Variants in L3MBTL4 observed in about 807,000 individuals in gnomAD.
The protein encoded by L3MBTL4 is lethal(3)malignant brain tumor-like protein 4.
Under a neutral mutation model 84.5 loss-of-function variants are expected in L3MBTL4, and 70 were observed. The ratio of observed to expected loss-of-function variants is 0.83; its 90% confidence interval spans 0.68 to 1.01. The LOEUF (loss-of-function observed/expected upper bound fraction) is 1.01, where lower values mean the gene tolerates loss of function less well. L3MBTL4 is among the 50% of genes least tolerant of loss of function. L3MBTL4 has a pLI of 0.00. For missense variants in L3MBTL4, 715 were observed against 754.8 expected, an observed-to-expected ratio of 0.95 and a Z score of 0.62; for synonymous variants, 274 against 259.8, an observed-to-expected ratio of 1.05 and a Z score of -0.52.
At chr18:6,114,604 C>A (rs529539578) in intron 14 of L3MBTL4, among the ~76,000 whole-genome samples, 1 of 152,288 alleles carries the variant, frequency 6.6e-6, no homozygotes, top group Non-Finnish European at 1.5e-5. Flanking sequence ...AATAATCAGT[C>A]AAGAATATCA....
chr18:6,387,131 G>A (rs1044115688), intron 1 of L3MBTL4, among the ~76,000 whole-genome samples: 16 of 152,114 alleles, frequency 1.1e-4, no homozygotes, highest in African/African-American at 3.9e-4. Flanking sequence ...ACACACACAA[G>A]AGAAAATTAG....
At chr18:6,093,602 G>T in intron 14 of L3MBTL4, 74 bp from the exon 15 acceptor site, 1 of 1,188,996 alleles carries the variant, frequency 8.4e-7, no homozygotes, top group Non-Finnish European at 1.1e-6. Context: ...CATTAGAGCA[G>T]ACTTACACCT....
intron 16 of L3MBTL4, among the ~76,000 whole-genome samples, chr18:5,994,038 A>G (rs539395163): frequency 6.6e-6 from 1 of 152,318 alleles, no homozygotes; most frequent in Non-Finnish European, 1.5e-5. Context: ...CGACGCTGGA[A>G]CCCGGCTTTT....
intron 12 of L3MBTL4, among the ~76,000 whole-genome samples, chr18:6,187,491 C>T (rs796102009): frequency 2.6e-5 from 4 of 152,188 alleles, no homozygotes; most frequent in African/African-American, 9.6e-5. Flanking sequence ...AAAATAAATG[C>T]ATGTTGCTTC....
chr18:6,227,188 A>C (rs1016959912), intron 10 of L3MBTL4, among the ~76,000 whole-genome samples: 2 of 152,244 alleles, frequency 1.3e-5, no homozygotes, highest in African/African-American at 4.8e-5. Context: ...ACAAATCCAC[A>C]CTTACAGATG....
At chr18:6,145,875 T>C (rs1243002125) in intron 13 of L3MBTL4, among the ~76,000 whole-genome samples, 1 of 152,004 alleles carries the variant, frequency 6.6e-6, no homozygotes, top group Non-Finnish European at 1.5e-5. Context: ...GTGCCAAAGA[T>C]GGAATAAGCC....
intron 1 of L3MBTL4, among the ~76,000 whole-genome samples, chr18:6,380,200 T>A (rs1360210492): frequency 6.6e-6 from 1 of 152,184 alleles, no homozygotes; most frequent in African/African-American, 2.4e-5. Flanking sequence ...ATTTGATTCT[T>A]CTCTCTTGTC....
chr18:5,970,833 G>T (rs571596016), intron 16 of L3MBTL4, among the ~76,000 whole-genome samples: 1 of 152,236 alleles, frequency 6.6e-6, no homozygotes, highest in Non-Finnish European at 1.5e-5. Context: ...CATGATCACA[G>T]TCACATATAC....
intron 1 of L3MBTL4, among the ~76,000 whole-genome samples, chr18:6,316,290 G>A (rs2051094606): frequency 6.6e-6 from 1 of 152,168 alleles, no homozygotes; most frequent in African/African-American, 2.4e-5. Flanking sequence ...CAGAGGAATA[G>A]CAGTGTTCAC....
chr18:6,142,414 G>A (rs989070337), intron 13 of L3MBTL4, among the ~76,000 whole-genome samples: 1 of 152,162 alleles, frequency 6.6e-6, no homozygotes, highest in African/African-American at 2.4e-5. Flanking sequence ...GTCCCAATGT[G>A]TCATGATATT....
chr18:6,121,868 A>T (rs1486527342), intron 14 of L3MBTL4, among the ~76,000 whole-genome samples: 1 of 152,188 alleles, frequency 6.6e-6, no homozygotes, highest in Non-Finnish European at 1.5e-5. Context: ...CAGATGTAGC[A>T]GGTTTGTGCG....
At chr18:5,999,931 T>C (rs2054142843) in intron 16 of L3MBTL4, among the ~76,000 whole-genome samples, 1 of 152,120 alleles carries the variant, frequency 6.6e-6, no homozygotes, top group Non-Finnish European at 1.5e-5. Context: ...ACACAGAGAA[T>C]AGTCCAGAGG....
intron 16 of L3MBTL4, among the ~76,000 whole-genome samples, chr18:6,019,071 C>T (rs902218858): frequency 8.5e-5 from 13 of 152,288 alleles, no homozygotes; most frequent in African/African-American, 2.6e-4. Flanking sequence ...ATGGATATTA[C>T]CTACAGCTTT....
At chr18:6,405,402 C>A (rs1260099880) in intron 1 of L3MBTL4, among the ~76,000 whole-genome samples, 2 of 152,244 alleles carry the variant, frequency 1.3e-5, no homozygotes, top group Non-Finnish European at 2.9e-5. Flanking sequence ...TGCCGCTCTG[C>A]GACCTGCACA....
intron 1 of L3MBTL4, among the ~76,000 whole-genome samples, chr18:6,319,467 G>T (rs1316975121): frequency 6.6e-6 from 1 of 151,980 alleles, no homozygotes. Context: ...CAAAACCATA[G>T]AAATATATAA....
At chr18:6,138,800 C>A (rs568551902) in intron 13 of L3MBTL4, among the ~76,000 whole-genome samples, 44 of 152,310 alleles carry the variant, frequency 2.9e-4, no homozygotes, top group Admixed American at 2.7e-3. Flanking sequence ...AATCTGCCCA[C>A]CTCAGCCTCC....
intron 16 of L3MBTL4, among the ~76,000 whole-genome samples, chr18:5,987,554 C>T (rs1360717202): frequency 6.6e-6 from 1 of 152,224 alleles, no homozygotes; most frequent in Non-Finnish European, 1.5e-5. Context: ...AATCCCCAAA[C>T]CTCACCTTGG....
At chr18:6,396,972 A>G (rs2055298005) in intron 1 of L3MBTL4, 1 of 152,236 alleles carries the variant, frequency 6.6e-6, no homozygotes, top group Non-Finnish European at 1.5e-5. Flanking sequence ...CAGTCAAACA[A>G]GTAAACGTTT....
rs2053706601 is a variant in L3MBTL4 at position 6,361,814 on chromosome 18, T to G, written c.-90-49758A>C. Among the ~76,000 whole-genome samples, 3 of 152,056 alleles carry G rather than the reference T, an allele frequency of 2.0e-5. No individual in the cohort carries two copies. The South Asian group carries it at 6.2e-4, about 32-fold the overall frequency. On this transcript the variant is annotated intron_variant, in intron 1 of 18. Coordinates refer to ENST00000317931, the MANE Select transcript of L3MBTL4 (RefSeq NM_001330559.2). ...CTAGTGGGCCTCTGCTCTGAGCAAC[T>G]GAGGGACCTAAGTAGTAGAAACAAG...
Sources: gnomAD v4.1 joint callset for allele counts (sites outside exome capture counted in the v4.1 genomes callset) on GRCh38, gnomAD v4.1.1 for gene constraint, MANE v1.5 for transcripts, NCBI Gene and HGNC (gene_info 2026-07-23, HGNC 2026-07-21) for gene names.